The following SH3RF1 variants were observed in gnomAD, a reference collection of about 807,000 sequenced individuals.
The protein encoded by SH3RF1 is SH3 domain containing ring finger 1, also known as E3 ubiquitin-protein ligase SH3RF1.
In SH3RF1, 32 loss-of-function variants were observed where a neutral mutation model predicts 74.0. The ratio of observed to expected loss-of-function variants is 0.43; its 90% confidence interval spans 0.33 to 0.58. The LOEUF is 0.58. SH3RF1 is among the 20% of genes least tolerant of loss of function. The pLI is 0.05. For missense variants in SH3RF1, 954 were observed against 1,130.9 expected, an observed-to-expected ratio of 0.84 and a Z score of 2.24; for synonymous variants, 396 against 439.6, an observed-to-expected ratio of 0.90 and a Z score of 1.24.
intron 6 of SH3RF1, among the ~76,000 whole-genome samples, chr4:169,126,354 C>T (rs981826006): frequency 6.6e-6 from 1 of 152,288 alleles, no homozygotes; most frequent in East Asian, 1.9e-4. Context: ...CTGACCATAT[C>T]CTACTCTTCA....
Position 169,136,516 on chromosome 4 carries a change from T to TG in SH3RF1, c.869dup (p.His292AlafsTer145). Reference sequence around the variant, plus strand: ...TGTTCTTCTTGGTGTCGGAGTGCTTTGGGGCAGTGCTGCTCTGGGCTGCTG... The same window carrying TG: ...TGTTCTTCTTGGTGTCGGAGTGCTTTGGGGGCAGTGCTGCTCTGGGCTGCTG... On this transcript the variant is annotated frameshift_variant, in exon 5 of 12. Transcript: ENST00000284637. LOFTEE classifies it high-confidence loss of function. 1 of 1,613,842 alleles carries TG rather than the reference T, an allele frequency of 6.2e-7. No homozygotes were observed. Among genetic ancestry groups the TG allele is most frequent in the Non-Finnish European group, 8.5e-7 (1 of 1,179,918 alleles).
At chr4:169,246,998 A>G (rs1731004920) in intron 2 of SH3RF1, among the ~76,000 whole-genome samples, 1 of 152,216 alleles carries the variant, frequency 6.6e-6, no homozygotes, top group Non-Finnish European at 1.5e-5. Context: ...TATTAAAGCT[A>G]CCTTTTACCA....
chr4:169,130,168 A>G lies in SH3RF1; in HGVS notation c.1069-12T>C, dbSNP rs1386411314. ...GTACTTATATGAACCTGCCGAGAAA[A>G]GAAAAGTTATTAAAAAGAAGACTAT... On this transcript the variant is annotated splice_polypyrimidine_tract_variant and intron_variant, in intron 5 of 11. Coordinates refer to ENST00000284637, the MANE Select transcript of SH3RF1 (RefSeq NM_020870.4). 1.3e-6 allele frequency: 2 copies of G among 1,535,124 alleles called. No individual in the cohort carries two copies. The highest frequency in any genetic ancestry group is 1.7e-6 in the Non-Finnish European group (2 of 1,146,734).
chr4:169,225,148 C>A (rs1209037880), intron 2 of SH3RF1, among the ~76,000 whole-genome samples: 1 of 152,044 alleles, frequency 6.6e-6, no homozygotes, highest in Non-Finnish European at 1.5e-5. Context: ...ACCAGCTGAC[C>A]CTGAGATTTA....
chr4:169,100,648 AAT>A (rs1446372695), intron 11 of SH3RF1, among the ~76,000 whole-genome samples: 1 of 152,150 alleles, frequency 6.6e-6, no homozygotes, highest in African/African-American at 2.4e-5. Flanking sequence ...CTCACATACT[AAT>A]ATTCTTAAGT....
At chr4:169,218,253 T>C (rs1377867981) in intron 2 of SH3RF1, among the ~76,000 whole-genome samples, 1 of 142,964 alleles carries the variant, frequency 7.0e-6, no homozygotes, top group Non-Finnish European at 1.5e-5. Flanking sequence ...ATAGAATATG[T>C]TTATATATAA....
intron 11 of SH3RF1, 98 bp from the exon 12 acceptor site, chr4:169,096,785 A>G (rs1732939300): frequency 9.0e-7 from 1 of 1,105,192 alleles, no homozygotes; most frequent in Non-Finnish European, 1.3e-6. Context: ...TAAATAGGAA[A>G]TAACATTAAT....
At chr4:169,162,952 C>T (rs1734173895) in intron 2 of SH3RF1, among the ~76,000 whole-genome samples, 1 of 152,160 alleles carries the variant, frequency 6.6e-6, no homozygotes, top group African/African-American at 2.4e-5. Flanking sequence ...TCCATCCTCT[C>T]CTTACCCAGC....
At chr4:169,203,569 T>C (rs1734946141) in intron 2 of SH3RF1, among the ~76,000 whole-genome samples, 1 of 149,214 alleles carries the variant, frequency 6.7e-6, no homozygotes, top group Non-Finnish European at 1.5e-5. Context: ...AAAAAAAAAA[T>C]CCTGGAATTC....
chr4:169,141,366 A>C (rs1212853742), intron 4 of SH3RF1, among the ~76,000 whole-genome samples: 1 of 152,184 alleles, frequency 6.6e-6, no homozygotes, highest in Non-Finnish European at 1.5e-5. Flanking sequence ...ATGGTATTCC[A>C]TTTTATAGAG....
At chr4:169,117,199 T>C (rs1291154238) in intron 9 of SH3RF1, among the ~76,000 whole-genome samples, 1 of 150,654 alleles carries the variant, frequency 6.6e-6, no homozygotes, top group Non-Finnish European at 1.5e-5. Context: ...GTTAGTAGAG[T>C]ATCACGCAAT....
At chr4:169,099,901 A>G (rs1049929426) in intron 11 of SH3RF1, among the ~76,000 whole-genome samples, 1 of 152,176 alleles carries the variant, frequency 6.6e-6, no homozygotes, top group African/African-American at 2.4e-5. Flanking sequence ...CACAGTCTTG[A>G]TCGTATGAAG....
intron 11 of SH3RF1, among the ~76,000 whole-genome samples, chr4:169,103,340 A>G (rs1467262789): frequency 6.6e-6 from 1 of 152,050 alleles, no homozygotes; most frequent in Admixed American, 6.6e-5. Context: ...TAGTGTCCCA[A>G]TAATATAAAT....
chr4:169,127,481 G>A (rs56018138), intron 6 of SH3RF1, among the ~76,000 whole-genome samples: 1,537 of 152,272 alleles, frequency 0.01, 13 homozygotes, highest in African/African-American at 0.034. Context: ...CTGCTACTGA[G>A]ATTTTCCACT....
At chr4:169,103,829 TAAA>T in intron 11 of SH3RF1, among the ~76,000 whole-genome samples, 1 of 152,312 alleles carries the variant, frequency 6.6e-6, no homozygotes, top group South Asian at 2.1e-4. Context: ...TATAAAAATA[TAAA>T]CTTGGGTAGA....
chr4:169,125,173 A>C (rs1313246327), intron 6 of SH3RF1, among the ~76,000 whole-genome samples: 2 of 152,336 alleles, frequency 1.3e-5, no homozygotes. Flanking sequence ...ACAGTGTTAC[A>C]TCACTGAAGG....
intron 2 of SH3RF1, among the ~76,000 whole-genome samples, chr4:169,257,901 C>A (rs1430492093): frequency 6.6e-6 from 1 of 152,110 alleles, no homozygotes; most frequent in Non-Finnish European, 1.5e-5. Context: ...TCTGAAGGCT[C>A]CTGTGGCAGG....
chr4:169,145,233 C>T (rs1173275498), intron 4 of SH3RF1, among the ~76,000 whole-genome samples: 4 of 152,096 alleles, frequency 2.6e-5, no homozygotes, highest in Non-Finnish European at 5.9e-5. Context: ...ATAAATGCAA[C>T]AAAGGATATT....
chr4:169,126,851 A>G (rs1283811661), intron 6 of SH3RF1, among the ~76,000 whole-genome samples: 1 of 152,218 alleles, frequency 6.6e-6, no homozygotes, highest in Non-Finnish European at 1.5e-5. Context: ...TCAGGCTCCC[A>G]AAGTGCTGGG....
Sources: gnomAD v4.1 joint callset for allele counts (sites outside exome capture counted in the v4.1 genomes callset) on GRCh38, gnomAD v4.1.1 for gene constraint, MANE v1.5 for transcripts, NCBI Gene and HGNC (gene_info 2026-07-23, HGNC 2026-07-21) for gene names.